Variants in ARAP2 observed in about 807,000 individuals in gnomAD.
ARAP2 encodes the protein ArfGAP with RhoGAP domain, ankyrin repeat and PH domain 2.
A neutral mutation model predicts 194.5 loss-of-function variants in ARAP2; 148 were observed. The observed-to-expected ratio is 0.76, with a 90% confidence interval of 0.67 to 0.87. The LOEUF (loss-of-function observed/expected upper bound fraction) is 0.87, where lower values mean the gene tolerates loss of function less well. Ranked by LOEUF, ARAP2 falls within the 40% of genes least tolerant of loss-of-function variation. ARAP2 has a pLI of 0.00. For synonymous variants in ARAP2, 695 were observed against 683.5 expected (o/e 1.02, Z -0.26); for missense variants, 2,128 against 1,989.7 (o/e 1.07, Z -1.32).
At chr4:36,072,960 A>T (rs1007422898) in intron 32 of ARAP2, among the ~76,000 whole-genome samples, 1 of 152,182 alleles carries the variant, frequency 6.6e-6, no homozygotes, top group Non-Finnish European at 1.5e-5. Flanking sequence ...AAAAGATTTG[A>T]ACAGCTTAAT....
intron 25 of ARAP2, 32 bp from the exon 26 acceptor site, chr4:36,114,319 G>C: frequency 7.3e-7 from 1 of 1,369,106 alleles, no homozygotes; most frequent in African/African-American, 1.5e-5. Context: ...TTCAAAAAAC[G>C]TGTTAGACAC....
intron 2 of ARAP2, among the ~76,000 whole-genome samples, chr4:36,225,107 C>G (rs571335642): frequency 3.3e-5 from 5 of 152,236 alleles, no homozygotes; most frequent in Non-Finnish European, 5.9e-5. Context: ...GAAAAGCCCT[C>G]AAAGGAGTCA....
intron 32 of ARAP2, among the ~76,000 whole-genome samples, chr4:36,070,140 C>T (rs1726481596): frequency 6.6e-6 from 1 of 152,090 alleles, no homozygotes; most frequent in Non-Finnish European, 1.5e-5. Flanking sequence ...AGGGAATAGA[C>T]TAATACATCT....
At position 36,107,642 on chromosome 4, in the gene ARAP2, C is replaced by G. The variant is rs776225285; in HGVS notation, c.4208G>C (p.Ser1403Thr). 1.9e-5 allele frequency: 31 copies of G among 1,610,784 alleles called. No homozygotes were observed. The highest frequency in any genetic ancestry group is 2.5e-5 in the Non-Finnish European group (30 of 1,178,130). The stretch of plus-strand genomic sequence containing the variant: ...AGCAGAGCCAGGTTCAGCTAATGAA[C>G]TCCACCGAAGCACCTGCTCCAGTAC... ...ENVLEQVLRW[S>T]SLAEPGSAYL... The change falls in exon 27 of 33, where the codon AGT becomes ACT. Residue 1403 changes from serine to threonine, a missense_variant. Ser to Thr is a moderately conservative substitution (Grantham distance 58, BLOSUM62 1). Transcript: ENST00000303965.
chr4:36,103,719 T>C (rs1353816024), intron 27 of ARAP2, among the ~76,000 whole-genome samples: 2 of 151,792 alleles, frequency 1.3e-5, no homozygotes. Flanking sequence ...AAAAACACAC[T>C]TACTCCTATC....
chr4:36,080,340 A>T, intron 30 of ARAP2, 61 bp from the exon 31 acceptor site: 2 of 1,359,460 alleles, frequency 1.5e-6, no homozygotes, highest in South Asian at 2.4e-5. Flanking sequence ...TCTCTAGTGT[A>T]TCTGCTGAGT....
intron 16 of ARAP2, 98 bp downstream of exon 16, chr4:36,150,802 A>T: frequency 1.5e-6 from 2 of 1,319,310 alleles, no homozygotes; most frequent in Non-Finnish European, 2.1e-6. Context: ...CTTCTATTAG[A>T]AGCAACTAAA....
At chr4:36,061,550 C>T (rs546247887), downstream of ARAP2, among the ~76,000 whole-genome samples, 2 of 152,334 alleles carry the variant, frequency 1.3e-5, no homozygotes, top group African/African-American at 4.8e-5. Context: ...ATAAGTACCA[C>T]ATTTTCTTTA....
chr4:36,111,599 TAA>T (rs570713499), intron 26 of ARAP2, among the ~76,000 whole-genome samples: 1 of 152,000 alleles, frequency 6.6e-6, no homozygotes, highest in Non-Finnish European at 1.5e-5. Flanking sequence ...TATCTTGGCA[TAA>T]AGACAACTTT....
chr4:36,087,764 C>T (rs190673518), intron 28 of ARAP2, among the ~76,000 whole-genome samples: 62 of 152,188 alleles, frequency 4.1e-4, no homozygotes, highest in Admixed American at 7.9e-4. Context: ...TAAACTTACT[C>T]TCTACACATA....
At chr4:36,225,591 G>A (rs773208824) in intron 2 of ARAP2, among the ~76,000 whole-genome samples, 1 of 152,074 alleles carries the variant, frequency 6.6e-6, no homozygotes, top group African/African-American at 2.4e-5. Context: ...CCAGTTAAAA[G>A]GAGCAGGCAG....
At chr4:36,170,600 G>A (rs1002918559) in intron 9 of ARAP2, among the ~76,000 whole-genome samples, 1 of 152,204 alleles carries the variant, frequency 6.6e-6, no homozygotes, top group Non-Finnish European at 1.5e-5. Context: ...GCCAACTCCT[G>A]CATTAACGTC....
At chr4:36,148,273 G>A (rs536817758) in intron 17 of ARAP2, 132 bp downstream of exon 17, 198 of 620,158 alleles carry the variant, frequency 3.2e-4, no homozygotes, top group Admixed American at 1.7e-3. Context: ...TACTTTTTTT[G>A]AAAATCTAAT....
intron 9 of ARAP2, among the ~76,000 whole-genome samples, chr4:36,177,531 T>C (rs1738237732): frequency 6.6e-6 from 1 of 152,192 alleles, no homozygotes; most frequent in Admixed American, 6.5e-5. Flanking sequence ...TTCTCTCATG[T>C]AGTCGTACAA....
At chr4:36,213,182 A>G in intron 4 of ARAP2, 61 bp downstream of exon 4, 2 of 1,226,450 alleles carry the variant, frequency 1.6e-6, no homozygotes, top group South Asian at 2.5e-5. Flanking sequence ...ATGAAGAGGT[A>G]CAAATAGGCA....
intron 1 of ARAP2, among the ~76,000 whole-genome samples, chr4:36,239,093 T>C (rs2109374219): frequency 6.6e-6 from 1 of 152,086 alleles, no homozygotes; most frequent in East Asian, 1.9e-4. Context: ...CTGGCCAACA[T>C]GGTGAAATCC....
At chr4:36,018,510 T>C (rs532364204) in intron 6 of ARAP2, among the ~76,000 whole-genome samples, 2 of 149,122 alleles carry the variant, frequency 1.3e-5, no homozygotes, top group African/African-American at 4.9e-5. Flanking sequence ...TGCCTAAAAA[T>C]CATGAAGTTA....
At chr4:36,165,207 AAAC>A in intron 10 of ARAP2, 94 bp from the exon 11 acceptor site, 4 of 1,209,814 alleles carry the variant, frequency 3.3e-6, no homozygotes, top group Non-Finnish European at 4.7e-6. Context: ...CTCACAAATT[AAAC>A]AACAGCTGAA....
intron 13 of ARAP2, chr4:36,159,885 A>G (rs1312359329): frequency 6.1e-6 from 1 of 164,642 alleles, no homozygotes; most frequent in Non-Finnish European, 1.3e-5. Flanking sequence ...GTGAATGTTA[A>G]TATATATTTT....
Sources: allele counts gnomAD v4.1 joint callset (sites outside exome capture counted in the v4.1 genomes callset), GRCh38; gene constraint gnomAD v4.1.1; transcripts MANE v1.5; gene names NCBI Gene and HGNC (gene_info 2026-07-23, HGNC 2026-07-21).